Variants in MATN2 observed in about 807,000 individuals in gnomAD.
The protein encoded by MATN2 is matrilin 2.
In MATN2, 69 loss-of-function variants were observed where a neutral mutation model predicts 103.2. The observed-to-expected ratio is 0.67, with a 90% CI of 0.55 to 0.82. The LOEUF is 0.82. Ranked by LOEUF, MATN2 falls within the 40% of genes least tolerant of loss-of-function variation. MATN2 has a pLI of 0.00. For synonymous variants in MATN2, 429 were observed against 450.2 expected (o/e 0.95, Z 0.60); for missense variants, 1,023 against 1,211.5 (o/e 0.84, Z 2.31).
At chr8:97,964,083 G>A (rs1199960674) in intron 5 of MATN2, among the ~76,000 whole-genome samples, 1 of 152,170 alleles carries the variant, frequency 6.6e-6, no homozygotes, top group Non-Finnish European at 1.5e-5. Flanking sequence ...AGAGATGAAG[G>A]GCAGTGACTG....
At chr8:97,922,150 C>T (rs531875523) in intron 2 of MATN2, among the ~76,000 whole-genome samples, 1 of 152,316 alleles carries the variant, frequency 6.6e-6, no homozygotes, top group East Asian at 1.9e-4. Flanking sequence ...TAAACCAGTG[C>T]CTGGTACCAA....
At chr8:97,877,590 G>A (rs1818120051) in intron 1 of MATN2, among the ~76,000 whole-genome samples, 2 of 151,866 alleles carry the variant, frequency 1.3e-5, no homozygotes, top group Non-Finnish European at 2.9e-5. Flanking sequence ...CGAAGTGCTG[G>A]GATTACAGGC....
chr8:97,911,572 T>A (rs1275045582), intron 2 of MATN2, among the ~76,000 whole-genome samples: 1 of 151,812 alleles, frequency 6.6e-6, no homozygotes, highest in East Asian at 2.0e-4. Flanking sequence ...CTGGGCATGG[T>A]GGCGTGTGCC....
chr8:98,035,696 G>A lies in MATN2; in HGVS notation c.2855G>A (p.Arg952His), dbSNP rs774745371. The change falls in exon 19 of 19, where the codon CGC (arginine) becomes CAC (histidine). Residue 952 changes from arginine to histidine, a missense_variant. By Grantham distance (29) the Arg-to-His change is conservative. Transcript: ENST00000254898. ...CAGAGAATGGAAGCCCTGGAAAATC[G>A]CCTGAGATACAGATGAAGATTAGAA... Reference protein sequence around the residue: ...MTQRMEALENRLRYR With the variant: ...MTQRMEALENHLRYR 3.2e-5 allele frequency: 51 copies of A among 1,597,982 alleles called. No homozygotes were observed. Among genetic ancestry groups the A allele is most frequent in the East Asian group, 6.7e-5 (3 of 44,586 alleles).
intron 5 of MATN2, among the ~76,000 whole-genome samples, chr8:97,973,262 C>T (rs925895021): frequency 6.6e-6 from 1 of 152,164 alleles, no homozygotes; most frequent in East Asian, 1.9e-4. Flanking sequence ...CCCAGGAATG[C>T]GTGAATCCTG....
At chr8:97,995,790 A>G (rs1443491800) in intron 7 of MATN2, among the ~76,000 whole-genome samples, 2 of 152,220 alleles carry the variant, frequency 1.3e-5, no homozygotes, top group Non-Finnish European at 2.9e-5. Flanking sequence ...CAAATCCTGG[A>G]TTTTGAAACG....
intron 11 of MATN2, among the ~76,000 whole-genome samples, chr8:98,017,130 A>C (rs1813391822): frequency 6.6e-6 from 1 of 152,234 alleles, no homozygotes; most frequent in African/African-American, 2.4e-5. Flanking sequence ...AGTATACTCT[A>C]GTGGAAAGAT....
intron 6 of MATN2, among the ~76,000 whole-genome samples, chr8:97,979,296 T>C (rs1811945779): frequency 6.6e-6 from 1 of 152,226 alleles, no homozygotes; most frequent in African/African-American, 2.4e-5. Flanking sequence ...TACTTCCTGC[T>C]AACTCAGCCT....
At chr8:98,015,954 A>G (rs11996042) in intron 10 of MATN2, among the ~76,000 whole-genome samples, 23,471 of 152,224 alleles carry the variant, frequency 0.15, 1,858 homozygotes, top group Middle Eastern at 0.19. Flanking sequence ...AGATATGTAA[A>G]TAAGTTGATA....
chr8:97,939,895 T>C (rs1381219695), intron 3 of MATN2, among the ~76,000 whole-genome samples: 4 of 152,168 alleles, frequency 2.6e-5, no homozygotes, highest in African/African-American at 4.8e-5. Context: ...TGTATCAACA[T>C]TGATAGAATC....
chr8:97,923,185 TC>T (rs200972287), intron 2 of MATN2, among the ~76,000 whole-genome samples: 4,154 of 150,922 alleles, frequency 0.028, 179 homozygotes, highest in African/African-American at 0.097. Flanking sequence ...TTGCTGTCTC[TC>T]TCTCTCTGTT....
Position 97,931,724 on chromosome 8 carries a change from A to G in MATN2, c.712+202A>G, listed in dbSNP as rs1378500224. The stretch of plus-strand genomic sequence containing the variant: ...GTTTTTATTTATTTATCTTTTAGAG[A>G]CAGGGTCATGCTCTGTCACCCAGGC... On this transcript the variant is annotated intron_variant, in intron 3 of 18. Transcript: ENST00000254898. The surrounding 1 kb of genome is among the most constrained non-coding windows in gnomAD (Gnocchi z 4.1). 6.6e-6 allele frequency among the ~76,000 whole-genome samples: 1 copy of G among 152,164 alleles called. No homozygotes were observed. Among genetic ancestry groups the G allele is most frequent in the Non-Finnish European group, 1.5e-5 (1 of 68,036 alleles).
rs570446361 is a variant in MATN2, at chr8:98,028,010, G to A, written c.2356+181G>A. ...GAAGCCTTAACAGGACCCCACAGGAGTTAAATAAAGTGCTCAGGAAGGAGT... is the reference window on the plus strand; with the variant it reads ...GAAGCCTTAACAGGACCCCACAGGAATTAAATAAAGTGCTCAGGAAGGAGT... On this transcript the variant is annotated intron_variant, in intron 14 of 18. Coordinates refer to ENST00000254898, the MANE Select transcript of MATN2 (RefSeq NM_002380.5). Among the ~76,000 whole-genome samples, 61 of 152,286 alleles carry A rather than the reference G, an allele frequency of 4.0e-4. 1 individual carries two copies. Among genetic ancestry groups the A allele is most frequent in the East Asian group, 9.6e-4 (5 of 5,188 alleles).
At chr8:97,946,703 A>G (rs1453679480) in intron 4 of MATN2, among the ~76,000 whole-genome samples, 1 of 152,256 alleles carries the variant, frequency 6.6e-6, no homozygotes, top group Non-Finnish European at 1.5e-5. Flanking sequence ...TGCAGCATTT[A>G]GAAAACTCCA....
intron 1 of MATN2, 54 bp from the exon 2 acceptor site, chr8:97,888,021 C>G: frequency 6.5e-7 from 1 of 1,543,966 alleles, no homozygotes; most frequent in Non-Finnish European, 8.7e-7. Flanking sequence ...TCCTGGAGTT[C>G]AGGGAGACCC....
intron 8 of MATN2, among the ~76,000 whole-genome samples, chr8:98,006,517 C>T (rs745889571): frequency 4.3e-4 from 66 of 152,212 alleles, no homozygotes; most frequent in Non-Finnish European, 8.1e-4. Flanking sequence ...GCATCCATAG[C>T]TAGGAAGTGG....
chr8:97,977,075 A>C (rs1192714816), intron 5 of MATN2, among the ~76,000 whole-genome samples: 12 of 151,908 alleles, frequency 7.9e-5, no homozygotes, highest in Middle Eastern at 6.8e-3. Context: ...GTTCCTACTA[A>C]AAATATAAAA....
rs571684493 is a variant in MATN2 at position 98,008,573 on chromosome 8, T to C, written c.1573+972T>C. On this transcript the variant is annotated intron_variant, in intron 10 of 18. Transcript: ENST00000254898. ...TGCCTGTGAGAAAATATTTCCAGTT[T>C]GGGACAGATCCTTGGATCTTAGCAA... is the stretch of plus-strand genomic sequence containing the variant. 5.3e-4 allele frequency among the ~76,000 whole-genome samples: 80 copies of C among 152,276 alleles called. 1 individual carries two copies. In the South Asian group the frequency reaches 0.016, roughly 30 times the overall value.
intron 2 of MATN2, among the ~76,000 whole-genome samples, chr8:97,912,280 A>G (rs1416113306): frequency 6.6e-6 from 1 of 152,210 alleles, no homozygotes; most frequent in East Asian, 1.9e-4. Context: ...CATCTACAAG[A>G]AAGACTATTT....
Sources: allele counts gnomAD v4.1 joint callset (sites outside exome capture counted in the v4.1 genomes callset), GRCh38; gene constraint gnomAD v4.1.1; non-coding constraint Gnocchi (gnomAD v3.1); transcripts MANE v1.5; gene names NCBI Gene and HGNC (gene_info 2026-07-23, HGNC 2026-07-21).